TRPM8: variants seen among roughly 807,000 people sequenced by gnomAD.
TRPM8 encodes the protein TRPM8 cationic channel.
Under a neutral mutation model 133.7 loss-of-function variants are expected in TRPM8, and 110 were observed. The ratio of observed to expected loss-of-function variants is 0.82; its 90% CI spans 0.70 to 0.96. The LOEUF is 0.96. TRPM8 is among the 40% of genes least tolerant of loss of function. The pLI, the probability that TRPM8 is intolerant of heterozygous loss-of-function variation, is 0.00. For synonymous variants in TRPM8, 535 were observed against 532.3 expected (o/e 1.01, Z -0.07); for missense variants, 1,291 against 1,379.5 (o/e 0.94, Z 1.02).
chr2:233,956,754 A>C (rs1435834737), intron 11 of TRPM8, among the ~76,000 whole-genome samples: 1 of 152,234 alleles, frequency 6.6e-6, no homozygotes, highest in Non-Finnish European at 1.5e-5. Flanking sequence ...TAAATTATTC[A>C]TTCCCTTAGC....
In TRPM8 at chr2:233,926,558, G is replaced by T. The variant is rs553852652; in HGVS notation, c.21G>T (p.Arg7Ser). The change falls in exon 2 of 26, where the codon AGG (arginine) becomes AGT (serine). Residue 7 changes from arginine (R) to serine (S), a missense_variant. By Grantham distance (110) the Arg-to-Ser change is moderately radical. Transcript: ENST00000324695. MSFRAARLSMRNRRNDT... is the reference protein window; with the variant it reads MSFRAASLSMRNRRNDT... ...AAAAGATGTCCTTTCGGGCAGCCAG[G>T]CTCAGCATGAGGAACAGAAGGAATG... 1 of 1,614,044 alleles carries T rather than the reference G, an allele frequency of 6.2e-7. No homozygotes were observed. Among genetic ancestry groups the T allele is most frequent in the South Asian group, 1.1e-5 (1 of 91,068 alleles).
intron 2 of TRPM8, among the ~76,000 whole-genome samples, chr2:233,927,907 T>TC (rs1491133914): frequency 3.4e-5 from 2 of 58,002 alleles, no homozygotes; most frequent in Non-Finnish European, 5.4e-5. Flanking sequence ...TCTTTCTTTC[T>TC]TTCTCTCTCT....
rs1691230687 is a variant in TRPM8, at chr2:233,953,936, G to A, written c.1160G>A (p.Cys387Tyr). ...WIKWLKEILE[C>Y]SHLLTVIKME... ...CGCCAGCTCAAAGAAATTCTCGAATGTTCTCACCTATTAACAGTTATTAAA... is the reference window on the plus strand; with the variant it reads ...CGCCAGCTCAAAGAAATTCTCGAATATTCTCACCTATTAACAGTTATTAAA... The change falls in exon 10 of 26, where the codon TGT (cysteine) becomes TAT (tyrosine). Residue 387 changes from cysteine (C) to tyrosine (Y), a missense_variant. Transcript: ENST00000324695. The A allele has an allele frequency of 6.2e-7, 1 of 1,613,364 alleles. No individual in the cohort carries two copies. The highest frequency in any genetic ancestry group is 1.3e-5 in the African/African-American group (1 of 74,892).
rs188176436 is a variant in TRPM8, at chr2:233,932,539, C to T, written c.191+1798C>T. 7.1e-4 allele frequency among the ~76,000 whole-genome samples: 108 copies of T among 152,176 alleles called. 1 individual carries two copies. The highest frequency in any genetic ancestry group is 5.0e-4 in the Non-Finnish European group (34 of 68,008). ...CTCAATGCAGAAAGGCATGATTCCT[C>T]AAGGAAAATCAGGGCGCACTTACTA... On this transcript the variant is annotated intron_variant, in intron 3 of 25. Transcript: ENST00000324695.
intron 22 of TRPM8, among the ~76,000 whole-genome samples, chr2:234,003,649 C>A (rs17865676): frequency 0.022 from 3,291 of 152,316 alleles, 60 homozygotes; most frequent in Non-Finnish European, 0.034. Context: ...CTACAAGCAT[C>A]ATACTTCTTT....
chr2:233,921,432 A>G (rs1048130007), intron 1 of TRPM8, among the ~76,000 whole-genome samples: 3 of 151,988 alleles, frequency 2.0e-5, no homozygotes, highest in Non-Finnish European at 4.4e-5. Context: ...GTAATTGACT[A>G]TGTTCATCCT....
intron 17 of TRPM8, among the ~76,000 whole-genome samples, chr2:233,973,551 G>T (rs898808287): frequency 6.6e-6 from 1 of 152,234 alleles, no homozygotes; most frequent in African/African-American, 2.4e-5. Context: ...ACTTCAGCAT[G>T]ACTTCCTCTT....
intron 1 of TRPM8, among the ~76,000 whole-genome samples, chr2:233,920,594 G>A (rs11563062): frequency 2.3e-3 from 356 of 152,312 alleles, no homozygotes; most frequent in South Asian, 4.1e-3. Context: ...GCTAAGTTTA[G>A]TGCTGTAAGT....
At position 233,937,457 on chromosome 2, in the gene TRPM8, C is replaced by CT. The variant is rs1690781721; in HGVS notation, c.297dup (p.Thr100TyrfsTer10). On this transcript the variant is annotated frameshift_variant, in exon 4 of 26. Transcript: ENST00000324695. LOFTEE classifies it high-confidence loss of function. ...TACAAGAAACACACCAAGGAATTTC[C>CT]TACCGACGCCTTTGGGGATATTCAG... The CT allele has an allele frequency of 6.2e-7, 1 of 1,614,058 alleles. No individual in the cohort carries two copies. Among genetic ancestry groups the CT allele is most frequent in the Non-Finnish European group, 8.5e-7 (1 of 1,180,038 alleles).
intron 11 of TRPM8, among the ~76,000 whole-genome samples, chr2:233,958,381 A>G (rs1574724294): frequency 6.6e-6 from 1 of 152,190 alleles, no homozygotes; most frequent in East Asian, 1.9e-4. Context: ...GCCTCTTCTC[A>G]TATGCTGGTG....
chr2:233,995,396 G>A (rs1024608), intron 21 of TRPM8, among the ~76,000 whole-genome samples: 63,925 of 152,056 alleles, frequency 0.42, 13,612 homozygotes, highest in East Asian at 0.52. Context: ...GACACAAAAT[G>A]AACATTTTAA....
intron 12 of TRPM8, 56 bp downstream of exon 12, chr2:233,961,122 A>C: frequency 3.3e-6 from 5 of 1,537,502 alleles, no homozygotes; most frequent in South Asian, 1.2e-5. Flanking sequence ...GGCTTCCCTC[A>C]TAAGATATCT....
intron 9 of TRPM8, among the ~76,000 whole-genome samples, chr2:233,953,151 C>T (rs889569416): frequency 6.6e-6 from 1 of 152,216 alleles, no homozygotes; most frequent in African/African-American, 2.4e-5. Context: ...GCCTCAAAAG[C>T]TCACCTTCTA....
At chr2:233,934,294 G>A (rs989111666) in intron 3 of TRPM8, among the ~76,000 whole-genome samples, 5 of 152,168 alleles carry the variant, frequency 3.3e-5, no homozygotes, top group Non-Finnish European at 7.3e-5. Context: ...GAGTAGCTAT[G>A]ATTGTGCTGT....
At chr2:233,986,172 C>T (rs989364273) in intron 21 of TRPM8, among the ~76,000 whole-genome samples, 5 of 152,224 alleles carry the variant, frequency 3.3e-5, no homozygotes, top group Non-Finnish European at 7.3e-5. Flanking sequence ...CCAATATCAC[C>T]CATTGGTGAC....
chr2:234,017,560 G>A lies in TRPM8; in HGVS notation c.*304G>A, dbSNP rs200309720. On this transcript the variant is annotated 3_prime_UTR_variant, in exon 26 of 26. Coordinates refer to ENST00000324695, the MANE Select transcript of TRPM8 (RefSeq NM_024080.5). ...TTGATAGTTTAAGTGTGTTCTTACCGCCTCCTTTTTCCTTTAATCTTATTT... is the reference window on the plus strand; with the variant it reads ...TTGATAGTTTAAGTGTGTTCTTACCACCTCCTTTTTCCTTTAATCTTATTT... The A allele has an allele frequency of 5.7e-5, 17 of 300,644 alleles. No individual in the cohort carries two copies. Among genetic ancestry groups the A allele is most frequent in the Middle Eastern group, 5.2e-4 (1 of 1,920 alleles). 18.6% of individuals were successfully genotyped at this position (300,644 alleles called of 1,614,324 possible). A position where few individuals can be genotyped will look rare whatever the true frequency, so the allele number is the denominator to read the frequency against.
chr2:233,936,166 T>C (rs1409479350), intron 3 of TRPM8, among the ~76,000 whole-genome samples: 1 of 152,126 alleles, frequency 6.6e-6, no homozygotes, highest in Non-Finnish European at 1.5e-5. Context: ...TCTCTGCACT[T>C]TGCCAGGTGT....
chr2:233,983,732 G>T (rs1158098054), intron 20 of TRPM8, among the ~76,000 whole-genome samples: 1 of 152,186 alleles, frequency 6.6e-6, no homozygotes, highest in Non-Finnish European at 1.5e-5. Flanking sequence ...GAAAGTGAGG[G>T]GCTATGTAAA....
chr2:233,971,920 T>C (rs1691733006), intron 17 of TRPM8, among the ~76,000 whole-genome samples: 1 of 152,154 alleles, frequency 6.6e-6, no homozygotes, highest in Admixed American at 6.5e-5. Flanking sequence ...ATCCTGCTGA[T>C]TGGTAGAGCT....
Sources: gnomAD v4.1 joint callset for allele counts (sites outside exome capture counted in the v4.1 genomes callset) on GRCh38, gnomAD v4.1.1 for gene constraint, MANE v1.5 for transcripts, NCBI Gene and HGNC (gene_info 2026-07-23, HGNC 2026-07-21) for gene names.